Variants in FNDC1 observed in about 807,000 individuals in gnomAD.
FNDC1 encodes the protein fibronectin type III domain containing 1.
Under a neutral mutation model 168.0 loss-of-function variants are expected in FNDC1, and 96 were observed. The ratio of observed to expected loss-of-function variants is 0.57; its 90% confidence interval spans 0.48 to 0.68. The LOEUF (loss-of-function observed/expected upper bound fraction) is 0.68, where lower values mean the gene tolerates loss of function less well. FNDC1 is among the 30% of genes least tolerant of loss of function. The probability of loss-of-function intolerance (pLI) is 0.00; values close to 1 mark genes in which losing one functional copy is unlikely to be tolerated. For synonymous variants in FNDC1, 1,099 were observed against 1,025.9 expected (o/e 1.07, Z -1.36); for missense variants, 2,587 against 2,482.1 (o/e 1.04, Z -0.90).
rs1438250601 is a variant in FNDC1 at position 159,239,728 on chromosome 6, A to C, written c.4392A>C (p.Thr1464=). 2 of 1,547,730 alleles carry C rather than the reference A, an allele frequency of 1.3e-6. No homozygotes were observed. The highest frequency in any genetic ancestry group is 3.9e-5 in the Admixed American group (2 of 50,924). Residue 1464 remains threonine (T), a synonymous_variant, in exon 14 of 23, where the codon ACA becomes ACC. Coordinates refer to ENST00000297267, the MANE Select transcript of FNDC1 (RefSeq NM_032532.3). ...CTACGACGCCCCTGCCTACCACTAC[A>C]ACCCCGAGGCCCACCACTGCCACCA... ...TTTTTPLPTT[T]TPRPTTATTR...
At chr6:159,268,956 T>G (rs1468628640) in intron 22 of FNDC1, among the ~76,000 whole-genome samples, 2 of 149,830 alleles carry the variant, frequency 1.3e-5, no homozygotes, top group African/African-American at 4.9e-5. Flanking sequence ...CTATCCATAC[T>G]TCAATCTATC....
intron 18 of FNDC1, among the ~76,000 whole-genome samples, chr6:159,258,872 A>G (rs1042161716): frequency 2.6e-5 from 4 of 152,242 alleles, no homozygotes; most frequent in African/African-American, 9.6e-5. Flanking sequence ...GGCTCTCTTG[A>G]GAAGCCAGCT....
chr6:159,189,414 G>A (rs1265909644), intron 1 of FNDC1, among the ~76,000 whole-genome samples: 2 of 152,190 alleles, frequency 1.3e-5, no homozygotes, highest in East Asian at 1.9e-4. Context: ...GGGGTCACAC[G>A]TCCATTACCA....
At chr6:159,250,074 C>T (rs1175837354) in intron 16 of FNDC1, among the ~76,000 whole-genome samples, 7 of 152,172 alleles carry the variant, frequency 4.6e-5, no homozygotes, top group East Asian at 1.9e-4. Flanking sequence ...AGTTCCATGA[C>T]GGGAATTGAA....
chr6:159,229,468 A>G (rs1439513063), intron 9 of FNDC1, among the ~76,000 whole-genome samples: 2 of 152,236 alleles, frequency 1.3e-5, no homozygotes. Flanking sequence ...TTCTATCAGG[A>G]CATATCAATC....
intron 18 of FNDC1, among the ~76,000 whole-genome samples, chr6:159,260,327 C>CT (rs1777457611): frequency 6.6e-6 from 1 of 152,198 alleles, no homozygotes; most frequent in Non-Finnish European, 1.5e-5. Flanking sequence ...AACCACCATT[C>CT]TTTTTCTTTT....
chr6:159,235,444 G>A (rs947242277), intron 11 of FNDC1, among the ~76,000 whole-genome samples: 4 of 152,062 alleles, frequency 2.6e-5, no homozygotes, highest in African/African-American at 4.8e-5. Flanking sequence ...CTAGCACCCT[G>A]AGAGTAGATG....
At chr6:159,219,012 T>A (rs937866819) in intron 5 of FNDC1, among the ~76,000 whole-genome samples, 1 of 149,590 alleles carries the variant, frequency 6.7e-6, no homozygotes, top group Non-Finnish European at 1.5e-5. Flanking sequence ...GGGCTGATGA[T>A]GTGGGGGCCA....
Position 159,221,697 on chromosome 6 carries a change from G to T in FNDC1, c.766+1G>T. Reference sequence around the variant, plus strand: ...GCCCTAACAAAGCGAAAGATTTCAGGTATGTTTCTAAGGATGCATTTGGTC... The same window carrying T: ...GCCCTAACAAAGCGAAAGATTTCAGTTATGTTTCTAAGGATGCATTTGGTC... On this transcript the variant is annotated splice_donor_variant, in intron 6 of 22. Coordinates refer to ENST00000297267, the MANE Select transcript of FNDC1 (RefSeq NM_032532.3). LOFTEE classifies it high-confidence loss of function. 6.2e-7 allele frequency: 1 copy of T among 1,612,222 alleles called. No homozygotes were observed. The highest frequency in any genetic ancestry group is 8.5e-7 in the Non-Finnish European group (1 of 1,178,258).
intron 1 of FNDC1, among the ~76,000 whole-genome samples, chr6:159,177,353 C>T (rs1233548310): frequency 1.3e-5 from 2 of 152,100 alleles, no homozygotes; most frequent in African/African-American, 4.8e-5. Flanking sequence ...TAATAAAGTA[C>T]CTGAGAAAGC....
In FNDC1 at chr6:159,170,728, G is replaced by A. The variant is rs76107293; in HGVS notation, c.109+1023G>A. Among the ~76,000 whole-genome samples the A allele has an allele frequency of 7.2e-3, 1,091 of 152,204 alleles. 10 individuals are homozygous for A. The highest frequency in any genetic ancestry group is 0.025 in the African/African-American group (1,055 of 41,528). On this transcript the variant is annotated intron_variant, in intron 1 of 22. Transcript: ENST00000297267. ...GGATCACATTACTTTGTGACTTTTTGGTAGATACATCATCCCAATGCTTGG... is the reference window on the plus strand; with the variant it reads ...GGATCACATTACTTTGTGACTTTTTAGTAGATACATCATCCCAATGCTTGG...
chr6:159,218,875 A>G lies in FNDC1; in HGVS notation c.668-2723A>G, dbSNP rs1782759955. 2.0e-5 allele frequency among the ~76,000 whole-genome samples: 3 copies of G among 151,980 alleles called. No individual in the cohort carries two copies. In the South Asian group the frequency reaches 6.2e-4, roughly 32 times the overall value. ...ACAGGGAGCTGAGAGGGAGCAAGGGACTTCCTTCTACAAGTCACCAAGGAG... is the reference window on the plus strand; with the variant it reads ...ACAGGGAGCTGAGAGGGAGCAAGGGGCTTCCTTCTACAAGTCACCAAGGAG... On this transcript the variant is annotated intron_variant, in intron 5 of 22. Transcript: ENST00000297267.
At chr6:159,175,547 C>A (rs749299630) in intron 1 of FNDC1, among the ~76,000 whole-genome samples, 1 of 152,132 alleles carries the variant, frequency 6.6e-6, no homozygotes, top group Non-Finnish European at 1.5e-5. Flanking sequence ...ACATTGCTGT[C>A]GGCTGTTGAA....
At chr6:159,246,544 G>A (rs890707600) in intron 14 of FNDC1, among the ~76,000 whole-genome samples, 4 of 152,250 alleles carry the variant, frequency 2.6e-5, no homozygotes, top group Non-Finnish European at 5.9e-5. Context: ...GGGGCCAGGG[G>A]CCTTCCCTCA....
chr6:159,239,701 T>A lies in FNDC1; in HGVS notation c.4365T>A (p.Thr1455=), dbSNP rs1280991031. 1.9e-6 allele frequency: 3 copies of A among 1,550,516 alleles called. No individual in the cohort carries two copies. The highest frequency in any genetic ancestry group is 2.4e-5 in the East Asian group (1 of 40,888). The change falls in exon 14 of 23, where the codon ACT becomes ACA. Residue 1455 remains threonine (T), a synonymous_variant. Transcript: ENST00000297267. ...CTACCACTACCATGCAGCCCACCAC[T>A]ACTACGACGCCCCTGCCTACCACTA... ...HPPTTTMQPT[T]TTTPLPTTTT...
intron 22 of FNDC1, among the ~76,000 whole-genome samples, chr6:159,269,530 C>CCATCCATT (rs1322727940): frequency 4.7e-5 from 7 of 148,350 alleles, no homozygotes; most frequent in African/African-American, 1.5e-4. Flanking sequence ...ATCCATCCAT[C>CCATCCATT]CATCCATCCA....
chr6:159,184,623 T>C (rs1365013744), intron 1 of FNDC1, among the ~76,000 whole-genome samples: 1 of 152,150 alleles, frequency 6.6e-6, no homozygotes, highest in Non-Finnish European at 1.5e-5. Flanking sequence ...AGGGTGTTTT[T>C]CAGGGAGCTT....
chr6:159,265,027 C>G, intron 20 of FNDC1, 23 bp downstream of exon 20: 1 of 1,580,886 alleles, frequency 6.3e-7, no homozygotes, highest in Non-Finnish European at 8.7e-7. Flanking sequence ...TCTTGATAAT[C>G]TGGACATTCT....
At chr6:159,248,899 A>T (rs1777193662) in intron 15 of FNDC1, 140 bp from the exon 16 acceptor site, 7 of 702,112 alleles carry the variant, frequency 1.0e-5, no homozygotes, top group Middle Eastern at 2.6e-4. Flanking sequence ...CATAGCATTT[A>T]TTTTAGGGTG....
Sources: gnomAD v4.1 joint callset for allele counts (sites outside exome capture counted in the v4.1 genomes callset) on GRCh38, gnomAD v4.1.1 for gene constraint, MANE v1.5 for transcripts, NCBI Gene and HGNC (gene_info 2026-07-23, HGNC 2026-07-21) for gene names.